The following GALNT1 variants were observed in gnomAD, a reference collection of about 807,000 sequenced individuals.
GALNT1 encodes GalNAc transferase 1.
A neutral mutation model predicts 65.7 loss-of-function variants in GALNT1; 17 were observed. The observed-to-expected ratio is 0.26, with a 90% CI of 0.18 to 0.39. The LOEUF is 0.39. Ranked by LOEUF, GALNT1 falls within the 10% of genes least tolerant of loss-of-function variation. GALNT1 has a pLI of 1.00. For synonymous variants in GALNT1, 210 were observed against 219.7 expected (o/e 0.96, Z 0.39); for missense variants, 460 against 672.8 (o/e 0.68, Z 3.50).
Position 35,663,680 on chromosome 18 carries a change from AGTC to A in GALNT1, c.196_198del (p.Val66del). 6.2e-7 allele frequency: 1 copy of A among 1,614,066 alleles called. No homozygotes were observed. The highest frequency in any genetic ancestry group is 8.5e-7 in the Non-Finnish European group (1 of 1,179,970). On this transcript the variant is annotated inframe_deletion, in exon 3 of 12. Coordinates refer to ENST00000269195, the MANE Select transcript of GALNT1 (RefSeq NM_020474.4). ...AAGGTCCTGGAGAAATGGGGAAACC[AGTC>A]GTCATTCCTAAAGAGGATCAAGAAA...
chr18:35,694,215 G>A (rs1046535488), intron 9 of GALNT1, among the ~76,000 whole-genome samples: 1 of 152,192 alleles, frequency 6.6e-6, no homozygotes, highest in African/African-American at 2.4e-5. Context: ...AGATGAATGT[G>A]TACAAGTCTT....
chr18:35,588,723 A>G (rs559969315), intron 1 of GALNT1, among the ~76,000 whole-genome samples: 1 of 150,214 alleles, frequency 6.7e-6, no homozygotes, highest in Non-Finnish European at 1.5e-5. Flanking sequence ...TTATTTTGGT[A>G]TTTTTCAGCT....
chr18:35,688,145 C>T (rs910431541), intron 6 of GALNT1, among the ~76,000 whole-genome samples: 8 of 152,120 alleles, frequency 5.3e-5, no homozygotes, highest in Non-Finnish European at 1.2e-4. Context: ...GAGAAAAATG[C>T]ACATGTACAT....
intron 1 of GALNT1, among the ~76,000 whole-genome samples, chr18:35,593,561 G>T (rs1395695950): frequency 6.6e-6 from 1 of 152,050 alleles, no homozygotes; most frequent in Non-Finnish European, 1.5e-5. Context: ...GGGTGACGGG[G>T]GACAAGGAAG....
At chr18:35,603,914 TTTTC>T (rs2046612851) in intron 1 of GALNT1, among the ~76,000 whole-genome samples, 1 of 152,012 alleles carries the variant, frequency 6.6e-6, no homozygotes, top group African/African-American at 2.4e-5. Flanking sequence ...ATAAGAGGGT[TTTTC>T]TTTATTTTTT....
chr18:35,597,323 A>G (rs1160014414), intron 1 of GALNT1: 1 of 152,186 alleles, frequency 6.6e-6, no homozygotes, highest in African/African-American at 2.4e-5. Flanking sequence ...ATGGAGTTAC[A>G]TTCTCACTGG....
chr18:35,704,458 G>C (rs1022496338), intron 11 of GALNT1, among the ~76,000 whole-genome samples: 1 of 151,478 alleles, frequency 6.6e-6, no homozygotes, highest in Non-Finnish European at 1.5e-5. Flanking sequence ...ACAGGCACAC[G>C]CCATCATGCC....
chr18:35,670,845 ATG>A (rs2047624331), intron 3 of GALNT1, among the ~76,000 whole-genome samples: 1 of 152,242 alleles, frequency 6.6e-6, no homozygotes, highest in South Asian at 2.1e-4. Context: ...CGGTGGCACT[ATG>A]TGGCAGTAGG....
At chr18:35,681,480 A>ATTTTTTTTT (rs2047784996) in intron 4 of GALNT1, among the ~76,000 whole-genome samples, 1 of 150,198 alleles carries the variant, frequency 6.7e-6, no homozygotes, top group Non-Finnish European at 1.5e-5. Flanking sequence ...CGACCACAGA[A>ATTTTTTTTT]TCATGCATTT....
intron 1 of GALNT1, among the ~76,000 whole-genome samples, chr18:35,648,924 T>C (rs1328558168): frequency 6.6e-6 from 1 of 152,228 alleles, no homozygotes; most frequent in East Asian, 1.9e-4. Context: ...CTGATCTGAT[T>C]TATTGCTGGT....
intron 1 of GALNT1, among the ~76,000 whole-genome samples, chr18:35,625,941 G>A (rs1248619560): frequency 6.6e-6 from 1 of 152,118 alleles, no homozygotes; most frequent in Non-Finnish European, 1.5e-5. Flanking sequence ...TGATAGTTAA[G>A]ATTTCCTCTG....
At chr18:35,630,229 C>T (rs934912843) in intron 1 of GALNT1, among the ~76,000 whole-genome samples, 2 of 152,164 alleles carry the variant, frequency 1.3e-5, no homozygotes, top group Non-Finnish European at 2.9e-5. Context: ...AAACTCTCCA[C>T]CCCAAATCAA....
chr18:35,690,356 A>G (rs925160071), intron 7 of GALNT1, among the ~76,000 whole-genome samples: 1 of 152,160 alleles, frequency 6.6e-6, no homozygotes, highest in Non-Finnish European at 1.5e-5. Context: ...GGGTGAACAG[A>G]TGAGCATCTG....
At chr18:35,585,269 G>A (rs1358350484) in intron 1 of GALNT1, among the ~76,000 whole-genome samples, 1 of 151,908 alleles carries the variant, frequency 6.6e-6, no homozygotes, top group Non-Finnish European at 1.5e-5. Flanking sequence ...CTTATTTCTG[G>A]CTCTGTACCT....
chr18:35,639,315 A>G (rs1339571763), intron 1 of GALNT1, among the ~76,000 whole-genome samples: 2 of 152,208 alleles, frequency 1.3e-5, no homozygotes. Flanking sequence ...AAGACCCTCC[A>G]CCAGCAAAAA....
chr18:35,624,298 A>G (rs1042161957), intron 1 of GALNT1, among the ~76,000 whole-genome samples: 1 of 152,170 alleles, frequency 6.6e-6, no homozygotes, highest in Non-Finnish European at 1.5e-5. Flanking sequence ...TCAAGCCAAT[A>G]TGATTGTGAC....
At chr18:35,695,336 T>C (rs1342184772) in intron 9 of GALNT1, among the ~76,000 whole-genome samples, 1 of 152,022 alleles carries the variant, frequency 6.6e-6, no homozygotes, top group Non-Finnish European at 1.5e-5. Context: ...TGGGAACAAG[T>C]GCAGGGCAGC....
chr18:35,705,059 G>T (rs560979416), intron 11 of GALNT1, among the ~76,000 whole-genome samples: 17 of 152,014 alleles, frequency 1.1e-4, no homozygotes, highest in African/African-American at 4.1e-4. Flanking sequence ...CTCCTTCTTC[G>T]TCCTACTCCT....
intron 9 of GALNT1, among the ~76,000 whole-genome samples, chr18:35,699,876 C>T (rs1340701506): frequency 6.6e-6 from 1 of 152,222 alleles, no homozygotes; most frequent in Non-Finnish European, 1.5e-5. Context: ...CTACCCTCCA[C>T]ATCTCATTAG....
Sources: allele counts gnomAD v4.1 joint callset (sites outside exome capture counted in the v4.1 genomes callset), GRCh38; gene constraint gnomAD v4.1.1; transcripts MANE v1.5; gene names NCBI Gene and HGNC (gene_info 2026-07-23, HGNC 2026-07-21).